Variants in TARS2 observed in about 807,000 individuals in gnomAD.
TARS2 encodes the protein threonyl-tRNA synthetase 2, mitochondrial, also known as threonine--tRNA ligase, mitochondrial.
Under a neutral mutation model 94.4 loss-of-function variants are expected in TARS2, and 61 were observed. The ratio of observed to expected loss-of-function variants is 0.65; its 90% CI spans 0.53 to 0.80. TARS2 has a LOEUF of 0.80. Among genes scored for constraint, TARS2 ranks in the 30% least tolerant of loss-of-function variants. The probability of loss-of-function intolerance (pLI) is 0.00; values close to 1 mark genes in which losing one functional copy is unlikely to be tolerated. For missense variants in TARS2, 704 were observed against 902.5 expected, an observed-to-expected ratio of 0.78 and a Z score of 2.82; for synonymous variants, 359 against 353.4, an observed-to-expected ratio of 1.02 and a Z score of -0.18.
In TARS2 at chr1:150,489,105, C is replaced by G. The variant is rs770733273; in HGVS notation, c.387+18C>G. On this transcript the variant is annotated intron_variant, in intron 3 of 17. Transcript: ENST00000369064. ...GGAAAGCAGTAAGTTTCTTTCTTAT[C>G]AGGAATACAGTGACTACTAAACCAA... is the stretch of plus-strand genomic sequence containing the variant. 2 of 1,613,908 alleles carry G rather than the reference C, an allele frequency of 1.2e-6. No homozygotes were observed. Among genetic ancestry groups the G allele is most frequent in the South Asian group, 1.1e-5 (1 of 91,060 alleles).
At chr1:150,487,760 G>C in intron 1 of TARS2, 98 bp from the exon 2 acceptor site, 1 of 1,491,108 alleles carries the variant, frequency 6.7e-7, no homozygotes, top group Non-Finnish European at 9.1e-7. Flanking sequence ...GTAGGAATTC[G>C]GACGAAGTCC....
rs587741377 is a variant in TARS2 at position 150,497,508 on chromosome 1, A to G, written c.1021-22A>G. ...TTCCTTCCAGTTACTCTGACCTTCC[A>G]TGTCTGTACCCTCCTCTCCAGGCTG... On this transcript the variant is annotated intron_variant, in intron 9 of 17. Coordinates refer to ENST00000369064, the MANE Select transcript of TARS2 (RefSeq NM_025150.5). 36 of 1,611,316 alleles carry G rather than the reference A, an allele frequency of 2.2e-5. No individual in the cohort carries two copies. In the East Asian group the frequency reaches 3.1e-4, roughly 14 times the overall value.
At position 150,492,917 on chromosome 1, in the gene TARS2, C is replaced by T. The variant is rs587665350; in HGVS notation, c.774+428C>T. Among the ~76,000 whole-genome samples, 322 of 150,002 alleles carry T rather than the reference C, an allele frequency of 2.1e-3. 2 individuals are homozygous for T. The highest frequency in any genetic ancestry group is 4.1e-3 in the Non-Finnish European group (280 of 67,676). On this transcript the variant is annotated intron_variant, in intron 7 of 17. Coordinates refer to ENST00000369064, the MANE Select transcript of TARS2 (RefSeq NM_025150.5). Reference sequence around the variant, plus strand: ...TTTTTTTTTTTGAGACCAAGTCTCTCGGTCGCCCAGGCTGGAGTGCAGTGG... The same window carrying T: ...TTTTTTTTTTTGAGACCAAGTCTCTTGGTCGCCCAGGCTGGAGTGCAGTGG...
rs112103825 is a variant in TARS2, at chr1:150,491,855, C to G, written c.695+193C>G. 49,919 of 566,548 alleles carry G rather than the reference C, an allele frequency of 0.088. 2,765 individuals are homozygous for G. The highest frequency in any genetic ancestry group is 0.11 in the Non-Finnish European group (36,766 of 325,668). 35.1% of individuals were successfully genotyped at this position (566,548 alleles called of 1,614,324 possible). On this transcript the variant is annotated intron_variant, in intron 6 of 17. Transcript: ENST00000369064. ...TGTCTCCCAGGCTGGAGTGCGGTAG[C>G]ACGATCTCGGCTCACTGCAACCTCC...
At chr1:150,494,728 ACT>A (rs938808505) in intron 7 of TARS2, among the ~76,000 whole-genome samples, 63 of 150,174 alleles carry the variant, frequency 4.2e-4, no homozygotes, top group Admixed American at 1.3e-3. Context: ...ACAGAGTGAG[ACT>A]CTGTTTCAAA....
intron 5 of TARS2, 33 bp from the exon 6 acceptor site, chr1:150,491,565 C>T (rs1337339879): frequency 6.2e-7 from 1 of 1,614,114 alleles, no homozygotes; most frequent in Non-Finnish European, 8.5e-7. Context: ...GGAATAAACA[C>T]TTTTCTTCAA....
Position 150,492,254 on chromosome 1 carries a change from G to A in TARS2, c.696-157G>A, listed in dbSNP as rs1166355400. ...TCTGGGATTATAGACATGAGCCACC[G>A]CGCCCTGCCAGGGAATTGATTTTTA... On this transcript the variant is annotated intron_variant, in intron 6 of 17. Coordinates refer to ENST00000369064, the MANE Select transcript of TARS2 (RefSeq NM_025150.5). The A allele has an allele frequency of 6.7e-5, 46 of 686,250 alleles. No individual in the cohort carries two copies. The East Asian group carries it at 9.5e-4, about 14-fold the overall frequency. 42.5% of individuals were successfully genotyped at this position (686,250 alleles called of 1,614,324 possible).
chr1:150,500,507 C>T (rs587691412), intron 13 of TARS2, among the ~76,000 whole-genome samples: 23 of 152,202 alleles, frequency 1.5e-4, no homozygotes, highest in African/African-American at 4.1e-4. Context: ...GCAGGAGAAT[C>T]GCTGAACCTG....
Position 150,498,931 on chromosome 1 carries a change from T to C in TARS2, c.1436T>C (p.Leu479Pro). 1 of 1,614,198 alleles carries C rather than the reference T, an allele frequency of 6.2e-7. No homozygotes were observed. The highest frequency in any genetic ancestry group is 8.5e-7 in the Non-Finnish European group (1 of 1,180,050). ...GAGATCCAAAGCTGTCTTGATTTCC[T>C]CCGTTCCGTCTATGCCGTTCTTGGC... ...EAEIQSCLDF[L>P]RSVYAVLGFS... The change falls in exon 12 of 18, where the codon CTC becomes CCC. Residue 479 changes from leucine (L) to proline (P), a missense_variant. Coordinates refer to ENST00000369064, the MANE Select transcript of TARS2 (RefSeq NM_025150.5).
chr1:150,494,244 G>A lies in TARS2; in HGVS notation c.774+1755G>A, dbSNP rs117530246. ...TAGCTGGGTGTGCTGGCCTACGCCT[G>A]TAATCCCAGCTACAAAAAAGGCTGA... On this transcript the variant is annotated intron_variant, in intron 7 of 17. Transcript: ENST00000369064. Among the ~76,000 whole-genome samples the A allele has an allele frequency of 9.8e-3, 1,486 of 151,664 alleles. 58 individuals carry two copies. The highest frequency in any genetic ancestry group is 0.067 in the Admixed American group (1,021 of 15,206).
chr1:150,498,871 C>T (rs1340319382), intron 11 of TARS2, 26 bp from the exon 12 acceptor site: 1 of 1,614,078 alleles, frequency 6.2e-7, no homozygotes. Flanking sequence ...GCTCACAGCT[C>T]ACTGACCCTT....
chr1:150,489,947 G>T (rs1188239008), intron 3 of TARS2, among the ~76,000 whole-genome samples: 2 of 151,762 alleles, frequency 1.3e-5, no homozygotes, highest in Non-Finnish European at 2.9e-5. Flanking sequence ...GTCTCAAAAA[G>T]AAAAATTATT....
intron 3 of TARS2, 177 bp downstream of exon 3, chr1:150,489,264 T>C (rs1439113098): frequency 1.1e-6 from 1 of 877,466 alleles, no homozygotes. Flanking sequence ...GTTTTTAACT[T>C]AGCTTCGATC....
At chr1:150,493,168 C>A (rs1178586385) in intron 7 of TARS2, among the ~76,000 whole-genome samples, 1 of 151,942 alleles carries the variant, frequency 6.6e-6, no homozygotes, top group Non-Finnish European at 1.5e-5. Flanking sequence ...TGAGCCTGGC[C>A]CTGTACTCTC....
At position 150,504,440 on chromosome 1, in the gene TARS2, A is replaced by G. The variant is rs775826174; in HGVS notation, c.1718+5A>G. ...ATTTGACCTCCAGTATAAGGGGTAT[A>G]AAACCTTGCCCTATCCTCTTTTCCC... On this transcript the variant is annotated splice_donor_5th_base_variant and intron_variant, in intron 14 of 17. Coordinates refer to ENST00000369064, the MANE Select transcript of TARS2 (RefSeq NM_025150.5). The G allele has an allele frequency of 3.1e-6, 5 of 1,613,886 alleles. No homozygotes were observed. In the Admixed American group the frequency reaches 6.7e-5, roughly 22 times the overall value.
chr1:150,490,361 C>T (rs1366479376), intron 3 of TARS2, among the ~76,000 whole-genome samples: 3 of 151,996 alleles, frequency 2.0e-5, no homozygotes, highest in Non-Finnish European at 2.9e-5. Flanking sequence ...TCAGATGATC[C>T]GCCTGCCTTG....
At chr1:150,500,123 C>T (rs1669846204) in intron 13 of TARS2, among the ~76,000 whole-genome samples, 2 of 151,742 alleles carry the variant, frequency 1.3e-5, no homozygotes, top group African/African-American at 4.8e-5. Flanking sequence ...TGCAGTGAGC[C>T]GAGATTGCGC....
At chr1:150,490,939 C>T (rs1273287929) in intron 4 of TARS2, among the ~76,000 whole-genome samples, 5 of 151,950 alleles carry the variant, frequency 3.3e-5, no homozygotes, top group Non-Finnish European at 7.4e-5. Flanking sequence ...CATGTAGTCC[C>T]AGCTACTTGG....
intron 13 of TARS2, among the ~76,000 whole-genome samples, chr1:150,500,232 A>G (rs924750091): frequency 6.6e-6 from 1 of 152,116 alleles, no homozygotes; most frequent in African/African-American, 2.4e-5. Context: ...TGGATTTAGT[A>G]AAAAGGCTGC....
Sources: allele counts gnomAD v4.1 joint callset (sites outside exome capture counted in the v4.1 genomes callset), GRCh38; gene constraint gnomAD v4.1.1; transcripts MANE v1.5; gene names NCBI Gene and HGNC (gene_info 2026-07-23, HGNC 2026-07-21).